Variants in NEDD9 observed in about 807,000 individuals in gnomAD.
The protein encoded by NEDD9 is enhancer of filamentation 1.
Under a neutral mutation model 76.6 loss-of-function variants are expected in NEDD9, and 26 were observed. The ratio of observed to expected loss-of-function variants is 0.34; its 90% confidence interval spans 0.25 to 0.47. The LOEUF is 0.47. NEDD9 is among the 20% of genes least tolerant of loss of function. The pLI, the probability that NEDD9 is intolerant of heterozygous loss-of-function variation, is 1.00. For missense variants in NEDD9, 937 were observed against 1,058.5 expected, an observed-to-expected ratio of 0.89 and a Z score of 1.59; for synonymous variants, 392 against 414.2, an observed-to-expected ratio of 0.95 and a Z score of 0.65.
At chr6:11,320,161 C>G (rs1761756747) in intron 2 of NEDD9, among the ~76,000 whole-genome samples, 1 of 152,154 alleles carries the variant, frequency 6.6e-6, no homozygotes, top group African/African-American at 2.4e-5. Context: ...TCTTTCTCCC[C>G]CAGTCCACTG....
rs117584163 is a variant in NEDD9 at position 11,305,114 on chromosome 6, C to T, written c.12+878G>A. ...AGATTGGGCTGTTCTTGGCTTGATA[C>T]GGTGCCCAGAGCTTTTTTATTTGTG... On this transcript the variant is annotated intron_variant, in intron 3 of 3. Transcript: ENST00000397378. 250 of 1,289,096 alleles carry T rather than the reference C, an allele frequency of 1.9e-4. 2 individuals carry two copies. In the East Asian group the frequency reaches 8.9e-3, roughly 46 times the overall value. 79.9% of individuals were successfully genotyped at this position (1,289,096 alleles called of 1,614,324 possible).
Position 11,366,294 on chromosome 6 carries a change from G to GGAAGGAAGGAAA in NEDD9, c.-214+15844_-214+15845insTTTCCTTCCTTC, listed in dbSNP as rs58662867. On this transcript the variant is annotated intron_variant, in intron 1 of 3. Coordinates refer to the NEDD9 transcript ENST00000397378. ...AAGAAGGAAGGAAGGAAGGAAGGAAGGAAAGAAAGAAAGAAAGAGAAAGAA... is the reference window on the plus strand; with the variant it reads ...AAGAAGGAAGGAAGGAAGGAAGGAAGGAAGGAAGGAAAGAAAGAAAGAAAGAAAGAGAAAGAA... Among the ~76,000 whole-genome samples, 138 of 117,382 alleles carry GGAAGGAAGGAAA rather than the reference G, an allele frequency of 1.2e-3. 1 individual carries two copies. The highest frequency in any genetic ancestry group is 4.3e-3 in the African/African-American group (126 of 29,072). 77.0% of individuals were successfully genotyped at this position (117,382 alleles called of 152,430 possible).
rs1351840477 is a variant in NEDD9 at position 11,269,631 on chromosome 6, C to T, written c.12+36361G>A. Among the ~76,000 whole-genome samples, 3 of 151,950 alleles carry T rather than the reference C, an allele frequency of 2.0e-5. No homozygotes were observed. In the East Asian group the frequency reaches 5.8e-4, roughly 29 times the overall value. ...TGATTTCTTTCCTTTTTAATTCATACAAAATAGATATATGTAGTTTCTGGG... is the reference window on the plus strand; with the variant it reads ...TGATTTCTTTCCTTTTTAATTCATATAAAATAGATATATGTAGTTTCTGGG... On this transcript the variant is annotated intron_variant, in intron 3 of 3. Coordinates refer to the NEDD9 transcript ENST00000397378.
chr6:11,296,902 T>A (rs1465318977), intron 3 of NEDD9, among the ~76,000 whole-genome samples: 1 of 152,122 alleles, frequency 6.6e-6, no homozygotes, highest in African/African-American at 2.4e-5. Flanking sequence ...CTAATTTTTG[T>A]ATTTTTAGTA....
intron 3 of NEDD9, among the ~76,000 whole-genome samples, chr6:11,268,746 G>GAC (rs200336412): frequency 0.012 from 1,609 of 136,564 alleles, 16 homozygotes; most frequent in African/African-American, 0.026. Context: ...CACACACACA[G>GAC]ACACACACAC....
intron 2 of NEDD9, among the ~76,000 whole-genome samples, chr6:11,317,298 G>T (rs1761598258): frequency 6.6e-6 from 1 of 151,968 alleles, no homozygotes; most frequent in South Asian, 2.1e-4. Context: ...CTGGGTATGG[G>T]GGTGCGGGCC....
chr6:11,326,955 T>A (rs1046789272), intron 2 of NEDD9, among the ~76,000 whole-genome samples: 1 of 151,930 alleles, frequency 6.6e-6, no homozygotes, highest in Non-Finnish European at 1.5e-5. Context: ...AGAGGTAGAG[T>A]TGTGTGGTGA....
At chr6:11,289,624 TG>T (rs1760723881) in intron 3 of NEDD9, among the ~76,000 whole-genome samples, 1 of 152,182 alleles carries the variant, frequency 6.6e-6, no homozygotes, top group Non-Finnish European at 1.5e-5. Flanking sequence ...GGCTAATTTT[TG>T]TATTTTTAGT....
At chr6:11,298,171 G>T (rs1161348240) in intron 3 of NEDD9, among the ~76,000 whole-genome samples, 2 of 152,076 alleles carry the variant, frequency 1.3e-5, no homozygotes, top group Non-Finnish European at 2.9e-5. Context: ...ACCTCCCAAA[G>T]TGCTGGGATT....
At chr6:11,350,627 C>T (rs557675430) in intron 1 of NEDD9, among the ~76,000 whole-genome samples, 91 of 152,232 alleles carry the variant, frequency 6.0e-4, no homozygotes, top group Non-Finnish European at 3.8e-4. Flanking sequence ...TAGAGGTCGG[C>T]GAGCTTGGTC....
rs772603922 is a variant in NEDD9, at chr6:11,191,012, G to A, written c.857C>T (p.Ala286Val). The A allele has an allele frequency of 9.9e-6, 16 of 1,613,912 alleles. No individual in the cohort carries two copies. The highest frequency in any genetic ancestry group is 1.4e-5 in the Non-Finnish European group (16 of 1,180,028). Residue 286 changes from alanine (A) to valine (V), a missense_variant, in exon 5 of 7, where the codon GCT becomes GTT. By Grantham distance (64) the Ala-to-Val change is moderately conservative (BLOSUM62 0). Coordinates refer to ENST00000379446, the MANE Select transcript of NEDD9 (RefSeq NM_006403.4). ...HVKYNCDIPG[A>V]AEPVARRHQS... ...GTGCCTTCGAGCCACCGGTTCTGCA[G>A]CTCCTGGAATGTCACAGTTGTATTT... is the stretch of plus-strand genomic sequence containing the variant.
intron 1 of NEDD9, among the ~76,000 whole-genome samples, chr6:11,229,991 A>C (rs1314246649): frequency 6.6e-6 from 1 of 152,234 alleles, no homozygotes; most frequent in African/African-American, 2.4e-5. Flanking sequence ...GGCCTGATTC[A>C]TAAGTCTTTC....
chr6:11,208,922 A>G (rs952524342), intron 2 of NEDD9, among the ~76,000 whole-genome samples: 3 of 152,222 alleles, frequency 2.0e-5, no homozygotes, highest in Non-Finnish European at 4.4e-5. Context: ...TATTAAGTAG[A>G]ATTTTTGCTG....
chr6:11,321,827 G>A (rs773937778), intron 2 of NEDD9, among the ~76,000 whole-genome samples: 6 of 152,174 alleles, frequency 3.9e-5, no homozygotes, highest in Admixed American at 3.9e-4. Flanking sequence ...AGTCTCTAGC[G>A]AAGGCCAAGG....
intron 1 of NEDD9, among the ~76,000 whole-genome samples, chr6:11,362,360 C>G (rs1762693794): frequency 6.6e-6 from 1 of 152,204 alleles, no homozygotes; most frequent in Non-Finnish European, 1.5e-5. Context: ...CTTATGAGTA[C>G]ACTGACATAA....
chr6:11,360,662 T>C (rs1762664237), intron 1 of NEDD9, among the ~76,000 whole-genome samples: 1 of 152,152 alleles, frequency 6.6e-6, no homozygotes, highest in Non-Finnish European at 1.5e-5. Flanking sequence ...TGATTGAAAG[T>C]TTCCTGAGGC....
chr6:11,242,144 A>T (rs923745271), intron 3 of NEDD9, among the ~76,000 whole-genome samples: 1 of 152,128 alleles, frequency 6.6e-6, no homozygotes, highest in Non-Finnish European at 1.5e-5. Context: ...CGGAGTATGG[A>T]CGGAGCATTC....
chr6:11,351,801 TTA>T (rs762984205), intron 1 of NEDD9, among the ~76,000 whole-genome samples: 2 of 152,266 alleles, frequency 1.3e-5, no homozygotes, highest in African/African-American at 2.4e-5. Context: ...CATGTAAAAC[TTA>T]TATTCTATGC....
chr6:11,212,765 T>C (rs1459643068), intron 2 of NEDD9, among the ~76,000 whole-genome samples: 1 of 152,194 alleles, frequency 6.6e-6, no homozygotes, highest in African/African-American at 2.4e-5. Flanking sequence ...GATAACTCTA[T>C]AGAACGAGTT....
Sources: gnomAD v4.1 joint callset for allele counts (sites outside exome capture counted in the v4.1 genomes callset) on GRCh38, gnomAD v4.1.1 for gene constraint, MANE v1.5 for transcripts, NCBI Gene and HGNC (gene_info 2026-07-23, HGNC 2026-07-21) for gene names.